RAPGEF4: variants seen among roughly 807,000 people sequenced by gnomAD.
RAPGEF4 encodes Rap guanine nucleotide exchange factor 4, also known as RAP guanine-nucleotide-exchange factor (GEF) 4.
RAPGEF4 carries 66 observed loss-of-function variants against 147.9 expected under a neutral mutation model. The ratio of observed to expected loss-of-function variants is 0.45; its 90% CI spans 0.37 to 0.55. The LOEUF is 0.55. Ranked by LOEUF, RAPGEF4 falls within the 20% of genes least tolerant of loss-of-function variation. The pLI is 0.00. For missense variants in RAPGEF4, 1,071 were observed against 1,257.3 expected (o/e 0.85, Z 2.24); for synonymous variants, 419 against 442.7 (o/e 0.95, Z 0.67).
chr2:173,028,240 G>A (rs1417712734), intron 25 of RAPGEF4, among the ~76,000 whole-genome samples: 1 of 152,202 alleles, frequency 6.6e-6, no homozygotes, highest in Non-Finnish European at 1.5e-5. Context: ...TTTAAGAAAG[G>A]CTTGGTAAAA....
chr2:172,764,208 C>G (rs1027919317), intron 1 of RAPGEF4, among the ~76,000 whole-genome samples: 3 of 151,480 alleles, frequency 2.0e-5, no homozygotes, highest in African/African-American at 7.3e-5. Context: ...GAACCATGAT[C>G]ACGCACTGCG....
At chr2:172,876,949 C>T (rs1379863687) in intron 4 of RAPGEF4, among the ~76,000 whole-genome samples, 3 of 152,110 alleles carry the variant, frequency 2.0e-5, no homozygotes, top group Admixed American at 6.5e-5. Context: ...TTCAGGGATT[C>T]AACTTCTTCC....
chr2:172,872,162 T>C (rs1377054964), intron 4 of RAPGEF4, among the ~76,000 whole-genome samples: 1 of 152,214 alleles, frequency 6.6e-6, no homozygotes, highest in Non-Finnish European at 1.5e-5. Flanking sequence ...AAGGTATATA[T>C]TGTATTGTTT....
chr2:172,869,925 C>G (rs941877799), intron 4 of RAPGEF4, among the ~76,000 whole-genome samples: 5 of 152,132 alleles, frequency 3.3e-5, no homozygotes, highest in African/African-American at 1.2e-4. Flanking sequence ...GACAAATGCA[C>G]TGGAAATCAT....
chr2:172,824,558 T>C (rs1033420297), intron 4 of RAPGEF4, among the ~76,000 whole-genome samples: 1 of 152,230 alleles, frequency 6.6e-6, no homozygotes, highest in Non-Finnish European at 1.5e-5. Context: ...CAGATTTATG[T>C]AATAATGGCA....
At chr2:172,766,287 C>T (rs1455838464) in intron 1 of RAPGEF4, among the ~76,000 whole-genome samples, 1 of 152,104 alleles carries the variant, frequency 6.6e-6, no homozygotes, top group Non-Finnish European at 1.5e-5. Flanking sequence ...CACGGTGGCT[C>T]ACACCTGTAA....
rs199680353 is a variant in RAPGEF4, at chr2:172,813,684, TA to T, written c.298-583del. Among the ~76,000 whole-genome samples, 1,264 of 144,320 alleles carry T rather than the reference TA, an allele frequency of 8.8e-3. 68 individuals carry two copies. In the East Asian group the frequency reaches 0.16, roughly 18 times the overall value. 94.7% of individuals were successfully genotyped at this position (144,320 alleles called of 152,430 possible). ...AATATTGTAACTGCACTCTCTAACT[TA>T]AAAAAAAAAAACTGAGCTCAGCTTC... On this transcript the variant is annotated intron_variant, in intron 3 of 30. Coordinates refer to ENST00000397081, the MANE Select transcript of RAPGEF4 (RefSeq NM_007023.4).
At chr2:173,011,170 G>GCGCGCA (rs564434178) in intron 17 of RAPGEF4, among the ~76,000 whole-genome samples, 16,874 of 133,334 alleles carry the variant, frequency 0.13, 1,228 homozygotes, top group Non-Finnish European at 0.16. Flanking sequence ...GCGCGCGCGC[G>GCGCGCA]CACACACACA....
At chr2:172,848,351 A>G (rs1002539798) in intron 4 of RAPGEF4, among the ~76,000 whole-genome samples, 11 of 151,904 alleles carry the variant, frequency 7.2e-5, no homozygotes, top group African/African-American at 2.7e-4. Flanking sequence ...CCTTCTGTTG[A>G]GCTGGTAGTT....
chr2:172,801,013 T>C (rs1464338014), intron 3 of RAPGEF4, among the ~76,000 whole-genome samples: 1 of 152,168 alleles, frequency 6.6e-6, no homozygotes, highest in Non-Finnish European at 1.5e-5. Flanking sequence ...AGATCATTGC[T>C]AAGTGCCTTC....
At chr2:173,017,099 G>A (rs1393589890) in intron 19 of RAPGEF4, 75 bp from the exon 20 acceptor site, 8 of 1,362,434 alleles carry the variant, frequency 5.9e-6, no homozygotes, top group Non-Finnish European at 8.3e-6. Flanking sequence ...TCTAACATAA[G>A]ATTAGTTATA....
In RAPGEF4 at chr2:172,929,047, G is replaced by A. The variant is rs10172751; in HGVS notation, c.537+6747G>A. ...TTCTCCTGTACTGAAGGCAATTATC[G>A]TCATCACCAGTTACTTTGGGCTGCT... On this transcript the variant is annotated intron_variant, in intron 6 of 30. Coordinates refer to ENST00000397081, the MANE Select transcript of RAPGEF4 (RefSeq NM_007023.4). Among the ~76,000 whole-genome samples the A allele has an allele frequency of 7.0e-3, 1,073 of 152,224 alleles. 11 individuals are homozygous for A. The highest frequency in any genetic ancestry group is 0.024 in the African/African-American group (989 of 41,520).
chr2:172,796,364 T>C (rs1237749502), intron 2 of RAPGEF4, among the ~76,000 whole-genome samples: 1 of 152,054 alleles, frequency 6.6e-6, no homozygotes, highest in Non-Finnish European at 1.5e-5. Context: ...GGTGGGTGGA[T>C]CAATAGGTCA....
intron 4 of RAPGEF4, among the ~76,000 whole-genome samples, chr2:172,857,174 GCACACACACACACA>G (rs34315927): frequency 6.7e-6 from 1 of 150,044 alleles, no homozygotes; most frequent in Non-Finnish European, 1.5e-5. Flanking sequence ...GTGTGCGCGC[GCACACACACACACA>G]CACACACACA....
chr2:172,744,289 G>A (rs1694572138), intron 1 of RAPGEF4: 1 of 403,688 alleles, frequency 2.5e-6, no homozygotes, highest in African/African-American at 2.1e-5. Flanking sequence ...CTTAGGATCA[G>A]CCAGACCTGG....
intron 1 of RAPGEF4, among the ~76,000 whole-genome samples, chr2:172,793,281 A>G (rs191192040): frequency 2.6e-5 from 4 of 152,278 alleles, no homozygotes; most frequent in Non-Finnish European, 1.5e-5. Flanking sequence ...GATTGCATCT[A>G]CAAGACCCTA....
intron 7 of RAPGEF4, 21 bp downstream of exon 7, chr2:172,960,834 T>C: frequency 6.3e-7 from 1 of 1,579,886 alleles, no homozygotes; most frequent in Non-Finnish European, 8.6e-7. Flanking sequence ...GTAGGTGGGT[T>C]GATGAGCCAT....
chr2:172,825,227 C>T (rs907778174), intron 4 of RAPGEF4, among the ~76,000 whole-genome samples: 1 of 152,220 alleles, frequency 6.6e-6, no homozygotes, highest in Non-Finnish European at 1.5e-5. Flanking sequence ...TTACATTAGC[C>T]TACAGTTGGC....
intron 1 of RAPGEF4, chr2:172,744,158 A>T (rs528159599): frequency 8.2e-6 from 2 of 242,604 alleles, no homozygotes; most frequent in South Asian, 9.5e-5. Context: ...CCTTTTCCAC[A>T]TCTAACCAGT....
Sources: allele counts gnomAD v4.1 joint callset (sites outside exome capture counted in the v4.1 genomes callset), GRCh38; gene constraint gnomAD v4.1.1; transcripts MANE v1.5; gene names NCBI Gene and HGNC (gene_info 2026-07-23, HGNC 2026-07-21).